RPGRIP1: variants seen among roughly 807,000 people sequenced by gnomAD.
RPGRIP1 encodes the protein X-linked retinitis pigmentosa GTPase regulator-interacting protein 1.
Under a neutral mutation model 157.9 loss-of-function variants are expected in RPGRIP1, and 128 were observed. The observed-to-expected ratio is 0.81, with a 90% CI of 0.70 to 0.94. The LOEUF is 0.94. Among genes scored for constraint, RPGRIP1 ranks in the 40% least tolerant of loss-of-function variants. The pLI is 0.00. For missense variants in RPGRIP1, 1,486 were observed against 1,545.8 expected (o/e 0.96, Z 0.65); for synonymous variants, 554 against 571.6 (o/e 0.97, Z 0.44).
At chr14:21,314,483 G>C (rs1051374305) in intron 10 of RPGRIP1, among the ~76,000 whole-genome samples, 2 of 152,090 alleles carry the variant, frequency 1.3e-5, no homozygotes, top group Non-Finnish European at 2.9e-5. Context: ...CTGGCATGGT[G>C]GCTCATTCCT....
chr14:21,326,027 T>TCACAA lies in RPGRIP1; in HGVS notation c.2564_2565insCACAA (p.Leu856ThrfsTer4). 5 of 1,613,958 alleles carry TCACAA rather than the reference T, an allele frequency of 3.1e-6. No individual in the cohort carries two copies. Among genetic ancestry groups the TCACAA allele is most frequent in the Non-Finnish European group, 4.2e-6 (5 of 1,179,864 alleles). ...TTTAGAGACCAGGCTCGATTCCCAG[T>TCACAA]GCTTGTGACCTCTGACCTGGACCAT... On this transcript the variant is annotated frameshift_variant, in exon 17 of 25. Transcript: ENST00000400017. LOFTEE classifies it high-confidence loss of function.
At chr14:21,330,032 T>A (rs1159040872) in intron 19 of RPGRIP1, among the ~76,000 whole-genome samples, 2 of 151,112 alleles carry the variant, frequency 1.3e-5, no homozygotes, top group African/African-American at 4.9e-5. Context: ...GCAGGAGAAT[T>A]GCTTGAACCC....
intron 10 of RPGRIP1, among the ~76,000 whole-genome samples, chr14:21,314,957 G>A (rs1055531554): frequency 1.3e-5 from 2 of 151,474 alleles, no homozygotes; most frequent in Non-Finnish European, 2.9e-5. Context: ...CCGGGAGGTG[G>A]AGGTTGCAGT....
chr14:21,321,231 C>G (rs776353642), intron 12 of RPGRIP1, 28 bp from the exon 13 acceptor site: 1 of 1,601,868 alleles, frequency 6.2e-7, no homozygotes, highest in Admixed American at 1.8e-5. Context: ...ATTTATACTC[C>G]CTTTTACCAA....
Position 21,318,840 on chromosome 14 carries a change from C to CT in RPGRIP1, c.1306+1004dup, listed in dbSNP as rs34157462. Among the ~76,000 whole-genome samples the CT allele has an allele frequency of 8.2e-3, 1,179 of 143,286 alleles. 8 individuals are homozygous for CT. Among genetic ancestry groups the CT allele is most frequent in the Non-Finnish European group, 0.012 (756 of 65,048 alleles). The allele number at this position is 143,286 out of a possible 152,430, so 94.0% of individuals were successfully genotyped here. A position where few individuals can be genotyped will look rare whatever the true frequency, so the allele number is the denominator to read the frequency against. ...CATCATTTTAGAGGTAACTGGAATA[C>CT]TTTTTTTTTTTTTTGCCATCCAATT... On this transcript the variant is annotated intron_variant, in intron 11 of 24. Transcript: ENST00000400017.
chr14:21,307,924 A>G, intron 7 of RPGRIP1, 88 bp downstream of exon 7: 1 of 723,160 alleles, frequency 1.4e-6, no homozygotes, highest in East Asian at 2.8e-5. Context: ...TAAATATGAG[A>G]AGCCACAATT....
rs1325199161 is a variant in RPGRIP1 at position 21,324,707 on chromosome 14, A to G, written c.1852A>G (p.Ile618Val). ...CCATGGAGATGAGGATAAAGTGGAT[A>G]TTTCTCTGCTGCATCAGGGTGAGAA... ...PAHGDEDKVD[I>V]SLLHQGENLF... Residue 618 changes from isoleucine (I) to valine (V), a missense_variant, in exon 15 of 25, where the codon ATT (isoleucine) becomes GTT (valine). Physicochemically the swap from Ile to Val is conservative, Grantham distance 29 (BLOSUM62 3). Transcript: ENST00000400017. The G allele has an allele frequency of 1.2e-6, 2 of 1,614,036 alleles. No individual in the cohort carries two copies. Among genetic ancestry groups the G allele is most frequent in the South Asian group, 2.2e-5 (2 of 91,090 alleles).
chr14:21,330,264 G>T lies in RPGRIP1; in HGVS notation c.3115G>T (p.Glu1039Ter). The T allele has an allele frequency of 6.4e-7, 1 of 1,569,878 alleles. No individual in the cohort carries two copies. The highest frequency in any genetic ancestry group is 8.6e-7 in the Non-Finnish European group (1 of 1,162,800). ...GNTPEQVNYT[E>*]WKFSETNSFI... ...TATTCTGAAGCAGGTGAATTACACT[G>T]AGTGGAAGTTCTCAGAGACTAACAG... The change falls in exon 20 of 25, where the codon GAG becomes TAG. Residue 1039 changes from glutamate (E) to a stop codon, truncating the protein, a stop_gained. Coordinates refer to ENST00000400017, the MANE Select transcript of RPGRIP1 (RefSeq NM_020366.4). LOFTEE classifies it high-confidence loss of function.
At chr14:21,328,682 G>T in intron 19 of RPGRIP1, 55 bp downstream of exon 19, 1 of 1,236,154 alleles carries the variant, frequency 8.1e-7, no homozygotes, top group Non-Finnish European at 1.2e-6. Context: ...GTCCCCAGAT[G>T]TATTATTCTC....
At chr14:21,299,928 G>T (rs1314756205) in intron 3 of RPGRIP1, among the ~76,000 whole-genome samples, 2 of 152,192 alleles carry the variant, frequency 1.3e-5, no homozygotes, top group Admixed American at 6.6e-5. Context: ...GGAGGTGGGA[G>T]AGGGAGATCT....
chr14:21,297,682 C>T (rs138421672), intron 3 of RPGRIP1, among the ~76,000 whole-genome samples: 1 of 152,238 alleles, frequency 6.6e-6, no homozygotes, highest in East Asian at 1.9e-4. Context: ...GAACTAAAGG[C>T]ATCTCAGCAA....
chr14:21,294,711 G>T lies in RPGRIP1; in HGVS notation c.120G>T (p.Arg40Ser). ...KNMKTQPPLS[R>S]MNREELEDSF... ...TGAAAACTCAACCACCCTTGAGCAG[G>T]ATGAACCGGGAGGAATTGGAGGACA... Residue 40 changes from arginine (R) to serine (S), a missense_variant, in exon 3 of 25, where the codon AGG becomes AGT. Arg to Ser is a moderately radical substitution (Grantham distance 110, BLOSUM62 -1). Transcript: ENST00000400017. 9 of 1,613,676 alleles carry T rather than the reference G, an allele frequency of 5.6e-6. No individual in the cohort carries two copies. The highest frequency in any genetic ancestry group is 5.1e-6 in the Non-Finnish European group (6 of 1,179,754).
At chr14:21,304,963 G>A (rs952257820) in intron 6 of RPGRIP1, among the ~76,000 whole-genome samples, 27 of 152,098 alleles carry the variant, frequency 1.8e-4, no homozygotes, top group East Asian at 5.8e-4. Flanking sequence ...CACCATGCCC[G>A]GCTAATTTTT....
At chr14:21,289,635 G>A (rs1348094467) in intron 2 of RPGRIP1, among the ~76,000 whole-genome samples, 1 of 152,020 alleles carries the variant, frequency 6.6e-6, no homozygotes, top group Non-Finnish European at 1.5e-5. Flanking sequence ...GTGTATAAAT[G>A]ATGCAACCAC....
At chr14:21,340,666 A>AT (rs1884905175) in intron 21 of RPGRIP1, among the ~76,000 whole-genome samples, 1 of 152,184 alleles carries the variant, frequency 6.6e-6, no homozygotes, top group Admixed American at 6.5e-5. Flanking sequence ...AAATAAATAA[A>AT]TACAGATTCC....
chr14:21,296,102 A>ATT (rs557240876), intron 3 of RPGRIP1, among the ~76,000 whole-genome samples: 5 of 136,370 alleles, frequency 3.7e-5, no homozygotes, highest in Non-Finnish European at 6.4e-5. Flanking sequence ...TGGCCAGCTA[A>ATT]TTTTTTTTTT....
chr14:21,341,551 C>T (rs941379485), intron 21 of RPGRIP1, among the ~76,000 whole-genome samples: 2 of 152,044 alleles, frequency 1.3e-5, no homozygotes, highest in Admixed American at 6.6e-5. Flanking sequence ...GAGGGGAGAG[C>T]GCTATGGCTG....
chr14:21,341,600 C>T (rs934260242), intron 21 of RPGRIP1, among the ~76,000 whole-genome samples: 7 of 152,022 alleles, frequency 4.6e-5, no homozygotes, highest in African/African-American at 9.7e-5. Context: ...ACTGGTGTCA[C>T]GATACTGACT....
At chr14:21,292,161 A>C (rs757350025) in intron 2 of RPGRIP1, among the ~76,000 whole-genome samples, 41 of 152,138 alleles carry the variant, frequency 2.7e-4, no homozygotes, top group Non-Finnish European at 4.9e-4. Flanking sequence ...CAAAGTGTTG[A>C]TATCACAGGC....
Sources: gnomAD v4.1 joint callset for allele counts (sites outside exome capture counted in the v4.1 genomes callset) on GRCh38, gnomAD v4.1.1 for gene constraint, MANE v1.5 for transcripts, NCBI Gene and HGNC (gene_info 2026-07-23, HGNC 2026-07-21) for gene names.